The following SNRPD1 variants were observed in gnomAD, a reference collection of about 807,000 sequenced individuals.
SNRPD1 encodes the protein small nuclear ribonucleoprotein Sm D1.
Under a neutral mutation model 14.4 loss-of-function variants are expected in SNRPD1, and 1 was observed. That is an observed-to-expected ratio of 0.07 (90% confidence interval 0.02 to 0.33). The LOEUF is 0.33. SNRPD1 is among the 10% of genes least tolerant of loss of function. The pLI is 1.00. For synonymous variants in SNRPD1, 42 were observed against 50.3 expected (o/e 0.83, Z 0.70); for missense variants, 52 against 146.4 (o/e 0.36, Z 3.33).
intron 2 of SNRPD1, 45 bp from the exon 3 acceptor site, chr18:21,623,703 T>G: frequency 7.2e-7 from 1 of 1,393,642 alleles, no homozygotes. Flanking sequence ...TTAGTTGCCT[T>G]AACTTGTATC....
rs374792778 is a variant in SNRPD1, at chr18:21,615,196, A to T, written c.14+2753A>T. ...TGCGCTAGAATTTCATATATTTGGA[A>T]TCACAAAGTATTTTTGCGTAAAACT... is the stretch of plus-strand genomic sequence containing the variant. On this transcript the variant is annotated intron_variant, in intron 1 of 3. Coordinates refer to ENST00000300413, the MANE Select transcript of SNRPD1 (RefSeq NM_006938.4). Among the ~76,000 whole-genome samples, 69 of 152,372 alleles carry T rather than the reference A, an allele frequency of 4.5e-4. No homozygotes were observed. In the South Asian group the frequency reaches 8.5e-3, roughly 19 times the overall value.
chr18:21,623,509 T>G (rs1001842782), intron 2 of SNRPD1, among the ~76,000 whole-genome samples: 10 of 152,184 alleles, frequency 6.6e-5, no homozygotes, highest in African/African-American at 2.4e-4. Context: ...TTCCATGGCT[T>G]GCTGCATTCA....
rs1010492215 is a variant in SNRPD1, at chr18:21,633,384, TAACTC to T, written c.*4247_*4251del. On this transcript the variant is annotated 3_prime_UTR_variant, in exon 4 of 4. Transcript: ENST00000300413. ...GTTCCTGAAGACTTAACCTAGAAAA[TAACTC>T]CATAACAAGAAGAATCTCTGTCATA... 4.6e-5 allele frequency: 7 copies of T among 152,136 alleles called. No homozygotes were observed. The highest frequency in any genetic ancestry group is 8.8e-5 in the Non-Finnish European group (6 of 68,036). 9.4% of individuals were successfully genotyped at this position (152,136 alleles called of 1,614,324 possible). A position where few individuals can be genotyped will look rare whatever the true frequency, so the allele number is the denominator to read the frequency against.
chr18:21,624,754 A>G (rs187026372), intron 3 of SNRPD1, among the ~76,000 whole-genome samples: 1 of 151,578 alleles, frequency 6.6e-6, no homozygotes, highest in East Asian at 1.9e-4. Flanking sequence ...CAATGATTTA[A>G]TCTCTCTCTC....
intron 3 of SNRPD1, 73 bp from the exon 4 acceptor site, chr18:21,628,989 A>G: frequency 3.6e-6 from 4 of 1,096,646 alleles, no homozygotes; most frequent in Non-Finnish European, 5.6e-6. Context: ...GTGTGTGTAA[A>G]TGTTGTTTGT....
At position 21,629,319 on chromosome 18, in the gene SNRPD1, TG is replaced by T; in HGVS notation, c.*184del. 1.9e-6 allele frequency: 1 copy of T among 515,854 alleles called. No homozygotes were observed. The highest frequency in any genetic ancestry group is 2.9e-5 in the East Asian group (1 of 35,050). 32.0% of individuals were successfully genotyped at this position (515,854 alleles called of 1,614,324 possible). A position where few individuals can be genotyped will look rare whatever the true frequency, so the allele number is the denominator to read the frequency against. ...CACAGTGAGAGCTAAGCATTTCTAC[TG>T]GGCAGTTTCATTTTTAGTTGATCAG... On this transcript the variant is annotated 3_prime_UTR_variant, in exon 4 of 4. Coordinates refer to ENST00000300413, the MANE Select transcript of SNRPD1 (RefSeq NM_006938.4).
chr18:21,622,594 G>T (rs1281568540), intron 1 of SNRPD1, 131 bp from the exon 2 acceptor site: 2 of 598,204 alleles, frequency 3.3e-6, no homozygotes. Flanking sequence ...AAATTGTTAT[G>T]CAGATTATTG....
intron 3 of SNRPD1, among the ~76,000 whole-genome samples, chr18:21,628,665 G>T (rs190447320): frequency 6.6e-6 from 1 of 152,146 alleles, no homozygotes; most frequent in Non-Finnish European, 1.5e-5. Flanking sequence ...ATTTTATTCA[G>T]TTACCAAAAC....
intron 3 of SNRPD1, among the ~76,000 whole-genome samples, chr18:21,627,653 TC>T (rs1349077319): frequency 1.3e-5 from 2 of 152,090 alleles, no homozygotes; most frequent in African/African-American, 4.8e-5. Flanking sequence ...TTTCCCATTT[TC>T]TTTATTTTTT....
rs1251931814 is a variant in SNRPD1, at chr18:21,629,264, T to C, written c.*126T>C. On this transcript the variant is annotated 3_prime_UTR_variant, in exon 4 of 4. Coordinates refer to ENST00000300413, the MANE Select transcript of SNRPD1 (RefSeq NM_006938.4). ...CTGTCTATTTAGTATATCAAAGTTT[T>C]AGTAGTTTCCTCCACATTCACGAAA... is the stretch of plus-strand genomic sequence containing the variant. 1.4e-6 allele frequency: 1 copy of C among 706,846 alleles called. No individual in the cohort carries two copies. Among genetic ancestry groups the C allele is most frequent in the Non-Finnish European group, 2.5e-6 (1 of 403,266 alleles). The allele number at this position is 706,846 out of a possible 1,614,324, so 43.8% of individuals were successfully genotyped here.
At chr18:21,617,169 A>G (rs1188777748) in intron 1 of SNRPD1, among the ~76,000 whole-genome samples, 1 of 151,938 alleles carries the variant, frequency 6.6e-6, no homozygotes, top group African/African-American at 2.4e-5. Context: ...AATCAACCAT[A>G]TAAGGCCAGG....
Position 21,632,442 on chromosome 18 carries a change from G to T in SNRPD1, c.*3304G>T, listed in dbSNP as rs1409021020. 6.7e-6 allele frequency: 1 copy of T among 150,338 alleles called. No homozygotes were observed. The highest frequency in any genetic ancestry group is 1.5e-5 in the Non-Finnish European group (1 of 67,892). 9.3% of individuals were successfully genotyped at this position (150,338 alleles called of 1,614,324 possible). On this transcript the variant is annotated 3_prime_UTR_variant, in exon 4 of 4. Coordinates refer to ENST00000300413, the MANE Select transcript of SNRPD1 (RefSeq NM_006938.4). ...CCACTGCACTTCAGCCTGAGTGACA[G>T]AGCGAGACTGTTTCAAAAAAAAAAA...
intron 1 of SNRPD1, among the ~76,000 whole-genome samples, chr18:21,618,327 A>G (rs1255725085): frequency 2.0e-5 from 3 of 151,598 alleles, no homozygotes; most frequent in Non-Finnish European, 4.4e-5. Flanking sequence ...AACCTAAACT[A>G]AAAACCTCTG....
intron 1 of SNRPD1, among the ~76,000 whole-genome samples, chr18:21,615,973 T>C (rs946754815): frequency 1.3e-5 from 2 of 152,084 alleles, no homozygotes; most frequent in African/African-American, 4.8e-5. Context: ...CCTTAGGGTT[T>C]AGTCGGTTTT....
In SNRPD1 at chr18:21,618,454, T is replaced by C. The variant is rs117177765; in HGVS notation, c.15-4271T>C. Reference sequence around the variant, plus strand: ...CGCGCCTGGCCACATAAGGTTTTTTTTTTCCTTTTATTTATCTTCTTTGCT... The same window carrying C: ...CGCGCCTGGCCACATAAGGTTTTTTCTTTCCTTTTATTTATCTTCTTTGCT... On this transcript the variant is annotated intron_variant, in intron 1 of 3. Transcript: ENST00000300413. 2.9e-3 allele frequency among the ~76,000 whole-genome samples: 437 copies of C among 151,990 alleles called. 1 individual carries two copies. The highest frequency in any genetic ancestry group is 6.8e-3 in the Middle Eastern group (2 of 294).
At chr18:21,617,596 T>C (rs983543319) in intron 1 of SNRPD1, among the ~76,000 whole-genome samples, 1 of 152,210 alleles carries the variant, frequency 6.6e-6, no homozygotes, top group Non-Finnish European at 1.5e-5. Flanking sequence ...TCCACTTCAT[T>C]GATGAAAATC....
intron 1 of SNRPD1, among the ~76,000 whole-genome samples, chr18:21,618,530 A>G (rs145612923): frequency 1.5e-4 from 23 of 151,896 alleles, no homozygotes; most frequent in African/African-American, 5.1e-4. Context: ...ACTAACTGGG[A>G]TAGTAAATTC....
chr18:21,613,523 T>G (rs113948674), intron 1 of SNRPD1, among the ~76,000 whole-genome samples: 30 of 152,176 alleles, frequency 2.0e-4, no homozygotes, highest in Non-Finnish European at 1.0e-4. Flanking sequence ...GAAGTAACGT[T>G]TGTTTGAAAC....
chr18:21,614,981 A>G (rs1180680440), intron 1 of SNRPD1, among the ~76,000 whole-genome samples: 2 of 152,180 alleles, frequency 1.3e-5, no homozygotes, highest in Non-Finnish European at 2.9e-5. Context: ...TAAGGTAAAT[A>G]TCTTATACAA....
Sources: gnomAD v4.1 joint callset for allele counts (sites outside exome capture counted in the v4.1 genomes callset) on GRCh38, gnomAD v4.1.1 for gene constraint, MANE v1.5 for transcripts, NCBI Gene and HGNC (gene_info 2026-07-23, HGNC 2026-07-21) for gene names.